Variants in GAN observed in about 807,000 individuals in gnomAD.
The protein encoded by GAN is epididymis secretory sperm binding protein.
Under a neutral mutation model 71.3 loss-of-function variants are expected in GAN, and 48 were observed. The ratio of observed to expected loss-of-function variants is 0.67; its 90% CI spans 0.53 to 0.86. The LOEUF is 0.86. Ranked by LOEUF, GAN falls within the 40% of genes least tolerant of loss-of-function variation. The probability of loss-of-function intolerance (pLI) is 0.00; values close to 1 mark genes in which losing one functional copy is unlikely to be tolerated. For missense variants in GAN, 928 were observed against 770.1 expected, an observed-to-expected ratio of 1.21 and a Z score of -2.43; for synonymous variants, 386 against 276.8, an observed-to-expected ratio of 1.39 and a Z score of -3.92.
In GAN at chr16:81,384,233, T is replaced by G. The variant is rs868746483; in HGVS notation, c.*6637T>G. 1 of 151,634 alleles carries G rather than the reference T, an allele frequency of 6.6e-6. No individual in the cohort carries two copies. Among genetic ancestry groups the G allele is most frequent in the Admixed American group, 6.6e-5 (1 of 15,230 alleles). The allele number at this position is 151,634 out of a possible 1,614,324, so 9.4% of individuals were successfully genotyped here. A position where few individuals can be genotyped will look rare whatever the true frequency, so the allele number is the denominator to read the frequency against. ...ACACATTCTGTTCTTTAACAAAAGCTTGGAAGCAGGCAGTCAGAGGCCTTG... is the reference window on the plus strand; with the variant it reads ...ACACATTCTGTTCTTTAACAAAAGCGTGGAAGCAGGCAGTCAGAGGCCTTG... On this transcript the variant is annotated 3_prime_UTR_variant, in exon 11 of 11. Coordinates refer to ENST00000648994, the MANE Select transcript of GAN (RefSeq NM_022041.4).
In GAN at chr16:81,354,429, C is replaced by G; in HGVS notation, c.307C>G (p.Gln103Glu). ...GATCAGGCTAAATGAAGATACAATC[C>G]AAGATGTTGTTCAGGCAGCTGACCT... ...GQIRLNEDTIQDVVQAADLLL... is the reference protein window; with the variant it reads ...GQIRLNEDTIEDVVQAADLLL... The change falls in exon 3 of 11, where the codon CAA becomes GAA. Residue 103 changes from glutamine to glutamate, a missense_variant. By Grantham distance (29) the Gln-to-Glu change is conservative. Transcript: ENST00000648994. 6.2e-7 allele frequency: 1 copy of G among 1,611,804 alleles called. No homozygotes were observed. The highest frequency in any genetic ancestry group is 8.5e-7 in the Non-Finnish European group (1 of 1,177,982).
intron 1 of GAN, among the ~76,000 whole-genome samples, chr16:81,336,895 A>C (rs1909781583): frequency 6.6e-6 from 1 of 151,982 alleles, no homozygotes; most frequent in Non-Finnish European, 1.5e-5. Context: ...ATACCACACG[A>C]GGGTGGTATA....
At chr16:81,323,340 A>T (rs777476898) in intron 1 of GAN, among the ~76,000 whole-genome samples, 7 of 152,218 alleles carry the variant, frequency 4.6e-5, no homozygotes, top group Non-Finnish European at 7.3e-5. Context: ...AGGAATAGAC[A>T]TCTCATTTTT....
At chr16:81,328,780 T>C (rs1292526539) in intron 1 of GAN, among the ~76,000 whole-genome samples, 3 of 152,196 alleles carry the variant, frequency 2.0e-5, no homozygotes, top group African/African-American at 7.2e-5. Context: ...GTTGTGTGTT[T>C]GCTATTGTAA....
At position 81,354,556 on chromosome 16, in the gene GAN, G is replaced by A. The variant is rs1910421965; in HGVS notation, c.434G>A (p.Cys145Tyr). The A allele has an allele frequency of 1.2e-6, 2 of 1,613,898 alleles. No individual in the cohort carries two copies. The highest frequency in any genetic ancestry group is 2.2e-5 in the South Asian group (2 of 91,084). ...IGIRDFALHY[C>Y]LHHVHYLATE... ...ATCCGTGACTTTGCACTACATTACT[G>A]CCTCCATCACGTTCATTACCTTGCC... The change falls in exon 3 of 11, where the codon TGC (cysteine) becomes TAC (tyrosine). Residue 145 changes from cysteine (C) to tyrosine (Y), a missense_variant. Physicochemically the swap from Cys to Tyr is radical, Grantham distance 194. Coordinates refer to ENST00000648994, the MANE Select transcript of GAN (RefSeq NM_022041.4).
At chr16:81,349,505 G>T (rs1052881057) in intron 1 of GAN, among the ~76,000 whole-genome samples, 1 of 152,130 alleles carries the variant, frequency 6.6e-6, no homozygotes, top group Non-Finnish European at 1.5e-5. Context: ...TTAGCTGGGT[G>T]TGGTGGTGTG....
intron 9 of GAN, among the ~76,000 whole-genome samples, chr16:81,373,924 G>A (rs1597411867): frequency 1.3e-5 from 2 of 152,242 alleles, no homozygotes; most frequent in Non-Finnish European, 2.9e-5. Context: ...TGTATCTTTA[G>A]TAGAGATGAG....
At chr16:81,331,382 C>CG (rs1567481561) in intron 1 of GAN, among the ~76,000 whole-genome samples, 1 of 152,020 alleles carries the variant, frequency 6.6e-6, no homozygotes, top group African/African-American at 2.4e-5. Flanking sequence ...AAGGACACTG[C>CG]GGGGGAAAAG....
chr16:81,327,179 A>G (rs996296228), intron 1 of GAN, among the ~76,000 whole-genome samples: 1 of 152,264 alleles, frequency 6.6e-6, no homozygotes, highest in Non-Finnish European at 1.5e-5. Context: ...AGCTCTGATG[A>G]GAGAGCGTTT....
intron 1 of GAN, among the ~76,000 whole-genome samples, chr16:81,324,477 G>A (rs1283535414): frequency 2.0e-5 from 3 of 152,124 alleles, no homozygotes; most frequent in African/African-American, 4.8e-5. Context: ...AGGATCAGGG[G>A]TGGCACCAGG....
intron 1 of GAN, among the ~76,000 whole-genome samples, chr16:81,338,608 A>T (rs1005826863): frequency 1.3e-5 from 2 of 152,222 alleles, no homozygotes; most frequent in African/African-American, 2.4e-5. Context: ...GAAATGCAAA[A>T]CAGAATGGAA....
At chr16:81,369,676 C>T (rs189679991) in intron 9 of GAN, among the ~76,000 whole-genome samples, 1 of 152,328 alleles carries the variant, frequency 6.6e-6, no homozygotes, top group African/African-American at 2.4e-5. Flanking sequence ...ACTGCAAGCT[C>T]CACCTGCCGG....
In GAN at chr16:81,386,965, G is replaced by C. The variant is rs1322347975; in HGVS notation, c.*9369G>C. 6.6e-6 allele frequency: 1 copy of C among 152,222 alleles called. No individual in the cohort carries two copies. Among genetic ancestry groups the C allele is most frequent in the Non-Finnish European group, 1.5e-5 (1 of 68,084 alleles). 9.4% of individuals were successfully genotyped at this position (152,222 alleles called of 1,614,324 possible). On this transcript the variant is annotated 3_prime_UTR_variant, in exon 11 of 11. Coordinates refer to ENST00000648994, the MANE Select transcript of GAN (RefSeq NM_022041.4). ...CATCTCAAAAGAAAAGAAAGAAAGGGAAGTAGAAGTAGGATTTAACAAAGG... is the reference window on the plus strand; with the variant it reads ...CATCTCAAAAGAAAAGAAAGAAAGGCAAGTAGAAGTAGGATTTAACAAAGG...
intron 5 of GAN, among the ~76,000 whole-genome samples, chr16:81,361,507 A>G (rs892692382): frequency 1.3e-5 from 2 of 152,328 alleles, no homozygotes; most frequent in Middle Eastern, 3.4e-3. Context: ...GCCAGAAGCC[A>G]CGTTTTCTGT....
intron 1 of GAN, among the ~76,000 whole-genome samples, chr16:81,340,564 C>G (rs552777432): frequency 9.6e-4 from 146 of 152,226 alleles, no homozygotes; most frequent in African/African-American, 3.4e-3. Context: ...AGAAGGAAAA[C>G]TAACAAACAG....
chr16:81,336,407 A>G (rs1335265712), intron 1 of GAN, among the ~76,000 whole-genome samples: 3 of 152,158 alleles, frequency 2.0e-5, no homozygotes, highest in Admixed American at 1.3e-4. Context: ...TTAACTGCAA[A>G]TTGATATTTC....
chr16:81,322,375 T>G (rs1450238322), intron 1 of GAN, among the ~76,000 whole-genome samples: 1 of 152,242 alleles, frequency 6.6e-6, no homozygotes, highest in Non-Finnish European at 1.5e-5. Flanking sequence ...AGCAAGATGG[T>G]GGCAACCAAC....
chr16:81,366,449 T>C (rs1910859814), intron 9 of GAN, among the ~76,000 whole-genome samples: 1 of 152,220 alleles, frequency 6.6e-6, no homozygotes, highest in Non-Finnish European at 1.5e-5. Flanking sequence ...GTATTCTTAT[T>C]GCAGTAATAT....
At chr16:81,349,297 T>C (rs2150682573) in intron 1 of GAN, among the ~76,000 whole-genome samples, 1 of 152,256 alleles carries the variant, frequency 6.6e-6, no homozygotes, top group East Asian at 1.9e-4. Flanking sequence ...ACTGCTAAAT[T>C]AGGATTAAGT....
Sources: gnomAD v4.1 joint callset for allele counts (sites outside exome capture counted in the v4.1 genomes callset) on GRCh38, gnomAD v4.1.1 for gene constraint, MANE v1.5 for transcripts, NCBI Gene and HGNC (gene_info 2026-07-23, HGNC 2026-07-21) for gene names.